SPART: variants seen among roughly 807,000 people sequenced by gnomAD.
SPART encodes spartin, also known as spastic paraplegia 20 (Troyer syndrome).
A neutral mutation model predicts 58.7 loss-of-function variants in SPART; 35 were observed. The observed-to-expected ratio is 0.60, with a 90% confidence interval of 0.46 to 0.79. The LOEUF is 0.79. Among genes scored for constraint, SPART ranks in the 30% least tolerant of loss-of-function variants. The pLI is 0.00. For missense variants in SPART, 730 were observed against 786.1 expected, an observed-to-expected ratio of 0.93 and a Z score of 0.85; for synonymous variants, 284 against 280.7, an observed-to-expected ratio of 1.01 and a Z score of -0.12.
upstream of SPART, among the ~76,000 whole-genome samples, chr13:36,350,645 C>T (rs1373085887): frequency 6.6e-6 from 1 of 152,090 alleles, no homozygotes; most frequent in African/African-American, 2.4e-5. Context: ...TTACCAGATC[C>T]TTCTAAAAAA....
chr13:36,313,810 A>G (rs1453434543), intron 6 of SPART, among the ~76,000 whole-genome samples: 2 of 152,232 alleles, frequency 1.3e-5, no homozygotes, highest in Admixed American at 6.5e-5. Flanking sequence ...TGATGAAATC[A>G]CCTAATGACA....
At chr13:36,326,372 A>G (rs1419231675) in intron 5 of SPART, 1 of 599,576 alleles carries the variant, frequency 1.7e-6, no homozygotes, top group Non-Finnish European at 2.8e-6. Context: ...AGAACAGAAT[A>G]ATAGGCCAGG....
rs1482918854 is a variant in SPART, at chr13:36,309,806, T to C, written c.1733+2339A>G. Among the ~76,000 whole-genome samples the C allele has an allele frequency of 2.0e-5, 3 of 152,214 alleles. No individual in the cohort carries two copies. In the East Asian group the frequency reaches 5.8e-4, roughly 29 times the overall value. On this transcript the variant is annotated intron_variant, in intron 8 of 8. Coordinates refer to ENST00000438666, the MANE Select transcript of SPART (RefSeq NM_015087.5). ...CTTACTACCTGAGTGATGGGATCAT[T>C]TGTACCCCAAACCTCAGCATCACAC... is the stretch of plus-strand genomic sequence containing the variant.
At position 36,323,087 on chromosome 13, in the gene SPART, C is replaced by T. The variant is rs1441741131; in HGVS notation, c.1288+3488G>A. On this transcript the variant is annotated intron_variant, in intron 5 of 8. Coordinates refer to ENST00000438666, the MANE Select transcript of SPART (RefSeq NM_015087.5). Reference sequence around the variant, plus strand: ...ATCATAGTTGCCTCCGTTCTGCTCACTCTCAACCCTAGGATGATATGTTGG... The same window carrying T: ...ATCATAGTTGCCTCCGTTCTGCTCATTCTCAACCCTAGGATGATATGTTGG... Among the ~76,000 whole-genome samples the T allele has an allele frequency of 3.9e-5, 6 of 151,978 alleles. No individual in the cohort carries two copies. The East Asian group carries it at 1.2e-3, about 29-fold the overall frequency.
chr13:36,339,627 CAAA>C (rs71084420), intron 1 of SPART, among the ~76,000 whole-genome samples: 122 of 38,778 alleles, frequency 3.1e-3, no homozygotes, highest in African/African-American at 0.014. Context: ...ACGACTCCAT[CAAA>C]AAAAAAAAAA....
In SPART at chr13:36,314,357, T is replaced by G; in HGVS notation, c.1353A>C (p.Lys451Asn). 6.2e-7 allele frequency: 1 copy of G among 1,614,178 alleles called. No homozygotes were observed. Among genetic ancestry groups the G allele is most frequent in the Non-Finnish European group, 8.5e-7 (1 of 1,180,024 alleles). Residue 451 changes from lysine (K) to asparagine (N), a missense_variant, in exon 6 of 9, where the codon AAA becomes AAC. By Grantham distance (94) the Lys-to-Asn change is moderately conservative (BLOSUM62 0). Transcript: ENST00000438666. ...TCCGCTCTCGGAGTTTAGAAGCACC[T>G]TTCTGGATTGCCTTACCAGTAATCT... ...GAEITGKAIQ[K>N]GASKLRERIQ...
In SPART at chr13:36,352,898, T is replaced by A. The variant is rs555207228; in HGVS notation, c.-2-17066A>T. Among the ~76,000 whole-genome samples, 3 of 152,036 alleles carry A rather than the reference T, an allele frequency of 2.0e-5. No homozygotes were observed. The South Asian group carries it at 6.2e-4, about 32-fold the overall frequency. ...TCTCTCAAGCCTGGGAGGTCAAGGC[T>A]ACAGTGAGCCATGTTCACATCTCTG... On this transcript the variant is annotated intron_variant, in intron 1 of 8. Transcript: ENST00000355182.
intron 1 of SPART, among the ~76,000 whole-genome samples, chr13:36,367,036 G>T (rs1188695123): frequency 1.3e-5 from 2 of 152,174 alleles, no homozygotes; most frequent in Non-Finnish European, 2.9e-5. Context: ...GCCGGAAGTA[G>T]CCGGAAAGAT....
At chr13:36,318,359 T>C (rs1881961397) in intron 5 of SPART, among the ~76,000 whole-genome samples, 1 of 152,152 alleles carries the variant, frequency 6.6e-6, no homozygotes, top group South Asian at 2.1e-4. Context: ...AGGCTCTTTT[T>C]CATCAAATAT....
intron 5 of SPART, among the ~76,000 whole-genome samples, chr13:36,317,317 C>T (rs1334838313): frequency 6.6e-6 from 1 of 151,872 alleles, no homozygotes; most frequent in African/African-American, 2.4e-5. Context: ...GGGCAAGTAC[C>T]CCTCAACCCC....
intron 1 of SPART, among the ~76,000 whole-genome samples, chr13:36,368,760 T>A (rs2137742099): frequency 6.6e-6 from 1 of 152,316 alleles, no homozygotes; most frequent in African/African-American, 2.4e-5. Flanking sequence ...TCCCAGCACT[T>A]TGGGAGGCTG....
At chr13:36,327,121 TCAAA>T (rs1883010653) in intron 4 of SPART, among the ~76,000 whole-genome samples, 1 of 152,104 alleles carries the variant, frequency 6.6e-6, no homozygotes, top group Non-Finnish European at 1.5e-5. Context: ...TTGACAGAGA[TCAAA>T]CAAATGTCTA....
In SPART at chr13:36,335,845, A is replaced by G. The variant is rs1439236899; in HGVS notation, c.-2-13T>C. The G allele has an allele frequency of 3.8e-6, 6 of 1,594,590 alleles. No individual in the cohort carries two copies. Among genetic ancestry groups the G allele is most frequent in the Non-Finnish European group, 5.1e-6 (6 of 1,166,836 alleles). The stretch of plus-strand genomic sequence containing the variant: ...TCTTGCTCCATTTCTGCAAAATTGG[A>G]GACATATTTAATTATCTTGCTTAGC... On this transcript the variant is annotated splice_polypyrimidine_tract_variant and intron_variant, in intron 1 of 8. Transcript: ENST00000438666.
intron 1 of SPART, chr13:36,365,801 T>C (rs1429355560): frequency 3.4e-6 from 1 of 291,358 alleles, no homozygotes; most frequent in Non-Finnish European, 7.0e-6. Context: ...ATGGGTGGAC[T>C]AAAGACCTAT....
intron 1 of SPART, among the ~76,000 whole-genome samples, chr13:36,336,780 A>C (rs1338706276): frequency 6.6e-6 from 1 of 152,268 alleles, no homozygotes; most frequent in Non-Finnish European, 1.5e-5. Context: ...TCCTTAAAAC[A>C]ACCCAAATGC....
rs763219877 is a variant in SPART at position 36,335,469 on chromosome 13, T to C, written c.362A>G (p.Asp121Gly). ...AGGCTCTGGTAATTTTTCACACATG[T>C]CTTTAGGTGGAAATTCTGGATATAA... ...PKLYPEFPPK[D>G]MCEKLPEPQS... The change falls in exon 2 of 9, where the codon GAC becomes GGC. Residue 121 changes from aspartate (D) to glycine (G), a missense_variant. Physicochemically the swap from Asp to Gly is moderately conservative, Grantham distance 94 (BLOSUM62 -1). Transcript: ENST00000438666. 5.0e-6 allele frequency: 8 copies of C among 1,614,118 alleles called. No homozygotes were observed. The East Asian group carries it at 1.3e-4, about 27-fold the overall frequency.
intron 5 of SPART, among the ~76,000 whole-genome samples, chr13:36,319,620 C>T (rs184101554): frequency 0.18 from 23,828 of 131,264 alleles, 2,659 homozygotes; most frequent in East Asian, 0.42. Flanking sequence ...CTTTCCACCC[C>T]ATGGTGCCAA....
intron 1 of SPART, among the ~76,000 whole-genome samples, chr13:36,356,498 T>C (rs1238577434): frequency 6.6e-6 from 1 of 152,208 alleles, no homozygotes; most frequent in Admixed American, 6.5e-5. Flanking sequence ...TTTGTCTTAA[T>C]CCAGACAGCC....
intron 3 of SPART, among the ~76,000 whole-genome samples, chr13:36,330,168 G>A (rs1049222663): frequency 1.3e-5 from 2 of 152,174 alleles, no homozygotes; most frequent in African/African-American, 4.8e-5. Flanking sequence ...ACGTAGGGGT[G>A]AAGGGAGAAA....
Sources: allele counts gnomAD v4.1 joint callset (sites outside exome capture counted in the v4.1 genomes callset), GRCh38; gene constraint gnomAD v4.1.1; transcripts MANE v1.5; gene names NCBI Gene and HGNC (gene_info 2026-07-23, HGNC 2026-07-21).